The following ADGRL3 variants were observed in gnomAD, a reference collection of about 807,000 sequenced individuals.
ADGRL3 encodes the protein calcium-independent alpha-latrotoxin receptor 3.
A neutral mutation model predicts 153.5 loss-of-function variants in ADGRL3; 62 were observed. That is an observed-to-expected ratio of 0.40 (90% CI 0.33 to 0.50). The LOEUF is 0.50. Ranked by LOEUF, ADGRL3 falls within the 20% of genes least tolerant of loss-of-function variation. The pLI is 0.47. For synonymous variants in ADGRL3, 710 were observed against 672.5 expected (o/e 1.06, Z -0.86); for missense variants, 1,641 against 1,859.4 (o/e 0.88, Z 2.16).
intron 6 of ADGRL3, among the ~76,000 whole-genome samples, chr4:61,711,108 G>A (rs959705259): frequency 5.9e-5 from 9 of 152,020 alleles, no homozygotes; most frequent in Non-Finnish European, 1.2e-4. Context: ...GTGCCTAAGG[G>A]AGAACCAATC....
intron 8 of ADGRL3, among the ~76,000 whole-genome samples, chr4:61,784,176 T>C (rs915643886): frequency 6.6e-6 from 1 of 152,146 alleles, no homozygotes; most frequent in Admixed American, 6.6e-5. Context: ...TTTGAATTGC[T>C]AGATGACAGA....
intron 1 of ADGRL3, among the ~76,000 whole-genome samples, chr4:61,287,445 T>A (rs1040761506): frequency 6.6e-6 from 1 of 151,916 alleles, no homozygotes; most frequent in African/African-American, 2.4e-5. Flanking sequence ...AAAAATTACC[T>A]AAATGAAAAA....
intron 6 of ADGRL3, among the ~76,000 whole-genome samples, chr4:61,686,084 G>A (rs1580276798): frequency 6.6e-6 from 1 of 152,038 alleles, no homozygotes; most frequent in East Asian, 1.9e-4. Context: ...AAAGATTGAA[G>A]GGGTTAGCTC....
At position 61,413,541 on chromosome 4, in the gene ADGRL3, T is replaced by C. The variant is rs375663117; in HGVS notation, c.-174+30352T>C. 2.0e-4 allele frequency among the ~76,000 whole-genome samples: 31 copies of C among 152,170 alleles called. No individual in the cohort carries two copies. The South Asian group carries it at 2.1e-3, about 10-fold the overall frequency. On this transcript the variant is annotated intron_variant, in intron 2 of 26. Transcript: ENST00000683033. ...CTAGGCTTTCTTTGGTCTTTGATAA[T>C]GTGGGTGTGGGTGAGGCTAAAGTTT...
At chr4:61,835,189 T>C (rs1165630339) in intron 9 of ADGRL3, among the ~76,000 whole-genome samples, 1 of 152,102 alleles carries the variant, frequency 6.6e-6, no homozygotes, top group African/African-American at 2.4e-5. Context: ...TATCTGCTTT[T>C]AATTTCCAGG....
chr4:61,435,641 G>T, intron 2 of ADGRL3, among the ~76,000 whole-genome samples: 1 of 152,142 alleles, frequency 6.6e-6, no homozygotes, highest in East Asian at 1.9e-4. Context: ...AAATTCCTAA[G>T]TGTATTGTCC....
intron 9 of ADGRL3, among the ~76,000 whole-genome samples, chr4:61,880,033 T>G (rs1348452138): frequency 6.6e-6 from 1 of 152,124 alleles, no homozygotes; most frequent in Non-Finnish European, 1.5e-5. Context: ...GCTACTCTAT[T>G]AATTTAAAAG....
chr4:61,653,151 G>GTCTCTCTC (rs58848073), intron 5 of ADGRL3, among the ~76,000 whole-genome samples: 2 of 134,098 alleles, frequency 1.5e-5, no homozygotes, highest in Non-Finnish European at 3.1e-5. Context: ...CTCTCTCTCT[G>GTCTCTCTC]TCTCTCTCTC....
intron 4 of ADGRL3, among the ~76,000 whole-genome samples, chr4:61,518,817 T>C (rs1038169324): frequency 1.3e-5 from 2 of 152,210 alleles, no homozygotes; most frequent in Non-Finnish European, 2.9e-5. Context: ...TCAAGGGCAA[T>C]GGATAGTAAA....
intron 6 of ADGRL3, among the ~76,000 whole-genome samples, chr4:61,717,196 ATGTG>A (rs780528173): frequency 8.4e-5 from 9 of 106,962 alleles, no homozygotes; most frequent in Non-Finnish European, 1.1e-4. Context: ...CACATAGTTT[ATGTG>A]TGTGTGTGTG....
At chr4:61,375,492 TC>T (rs1311049936) in intron 1 of ADGRL3, among the ~76,000 whole-genome samples, 3 of 152,150 alleles carry the variant, frequency 2.0e-5, no homozygotes, top group Non-Finnish European at 4.4e-5. Context: ...TCAAGTGTAC[TC>T]CCTGAGTTAC....
chr4:61,751,739 A>G (rs138065205), intron 8 of ADGRL3, among the ~76,000 whole-genome samples: 2 of 152,314 alleles, frequency 1.3e-5, no homozygotes, highest in East Asian at 3.9e-4. Flanking sequence ...ACTCTAGCAT[A>G]CATTATTTGC....
At chr4:61,845,745 A>C (rs2149061036) in intron 9 of ADGRL3, among the ~76,000 whole-genome samples, 1 of 152,216 alleles carries the variant, frequency 6.6e-6, no homozygotes, top group East Asian at 1.9e-4. Flanking sequence ...TGGTATTATT[A>C]ACGCTTAATG....
chr4:61,429,676 C>T (rs1372448028), intron 2 of ADGRL3, among the ~76,000 whole-genome samples: 2 of 152,024 alleles, frequency 1.3e-5, no homozygotes, highest in East Asian at 1.9e-4. Flanking sequence ...TTTTTGTAGG[C>T]ATTGTGATTT....
rs186358522 is a variant in ADGRL3 at position 62,015,833 on chromosome 4, A to G, written c.3396-13022A>G. Among the ~76,000 whole-genome samples, 460 of 151,218 alleles carry G rather than the reference A, an allele frequency of 3.0e-3. 3 individuals carry two copies. Among genetic ancestry groups the G allele is most frequent in the African/African-American group, 0.011 (437 of 41,240 alleles). On this transcript the variant is annotated intron_variant, in intron 21 of 26. Transcript: ENST00000683033. The stretch of plus-strand genomic sequence containing the variant: ...GATATACATTTTGAATGCTTTTGCT[A>G]TTACAAATATCTTCTTCAAGTCTGT...
intron 6 of ADGRL3, among the ~76,000 whole-genome samples, chr4:61,723,620 A>G (rs1288036891): frequency 1.3e-5 from 2 of 152,090 alleles, no homozygotes; most frequent in African/African-American, 4.8e-5. Context: ...CATTTAATGT[A>G]CAGATGCAGG....
At chr4:61,457,835 A>G (rs1390484227) in intron 2 of ADGRL3, among the ~76,000 whole-genome samples, 1 of 150,150 alleles carries the variant, frequency 6.7e-6, no homozygotes, top group Admixed American at 6.7e-5. Context: ...GTGTTTTTGT[A>G]TAAAATCACA....
intron 2 of ADGRL3, among the ~76,000 whole-genome samples, chr4:61,490,952 T>C (rs990154958): frequency 1.3e-5 from 2 of 152,116 alleles, no homozygotes; most frequent in African/African-American, 2.4e-5. Flanking sequence ...ATAGCTAAAA[T>C]TTACAAAACA....
chr4:61,645,170 T>C (rs991591107), intron 5 of ADGRL3, among the ~76,000 whole-genome samples: 1 of 152,204 alleles, frequency 6.6e-6, no homozygotes, highest in African/African-American at 2.4e-5. Flanking sequence ...ATTTTGAGCC[T>C]ATGTGTATCT....
Sources: allele counts gnomAD v4.1 joint callset (sites outside exome capture counted in the v4.1 genomes callset), GRCh38; gene constraint gnomAD v4.1.1; transcripts MANE v1.5; gene names NCBI Gene and HGNC (gene_info 2026-07-23, HGNC 2026-07-21).